TOM1L1: variants seen among roughly 807,000 people sequenced by gnomAD.
TOM1L1 encodes target of myb1 like 1 membrane trafficking protein.
A neutral mutation model predicts 63.4 loss-of-function variants in TOM1L1; 64 were observed. The ratio of observed to expected loss-of-function variants is 1.01; its 90% CI spans 0.83 to 1.24. The LOEUF is 1.24. Among genes scored for constraint, TOM1L1 ranks in the 50% most tolerant of loss-of-function variants. TOM1L1 has a pLI of 0.00. For synonymous variants in TOM1L1, 166 were observed against 194.4 expected (o/e 0.85, Z 1.22); for missense variants, 536 against 567.0 (o/e 0.95, Z 0.55).
At chr17:54,960,728 G>T in intron 15 of TOM1L1, 101 bp downstream of exon 15, 1 of 848,034 alleles carries the variant, frequency 1.2e-6, no homozygotes, top group South Asian at 1.5e-5. Flanking sequence ...AGGGCCATCT[G>T]AGTCTGACAC....
chr17:54,927,467 A>G (rs60923992), intron 7 of TOM1L1, among the ~76,000 whole-genome samples: 2,950 of 152,332 alleles, frequency 0.019, 62 homozygotes, highest in East Asian at 0.13. Flanking sequence ...ATGGAGGAGT[A>G]AGAGCCATCT....
At chr17:54,939,075 A>C (rs2048997110) in intron 11 of TOM1L1, 55 bp downstream of exon 11, 1 of 1,250,970 alleles carries the variant, frequency 8.0e-7, no homozygotes. Context: ...GATTCCTTAC[A>C]ATTAAGAAAA....
intron 11 of TOM1L1, among the ~76,000 whole-genome samples, 190 bp downstream of exon 11, chr17:54,939,210 G>C (rs1304437716): frequency 6.6e-6 from 1 of 152,124 alleles, no homozygotes; most frequent in Non-Finnish European, 1.5e-5. Context: ...CTCATCTCTA[G>C]TAAAAATACA....
intron 7 of TOM1L1, among the ~76,000 whole-genome samples, chr17:54,921,947 A>G (rs1366963240): frequency 6.6e-6 from 1 of 152,150 alleles, no homozygotes; most frequent in Non-Finnish European, 1.5e-5. Flanking sequence ...TGTATGTTAT[A>G]TATGTTATGT....
At chr17:54,927,618 G>A (rs899701073) in intron 7 of TOM1L1, among the ~76,000 whole-genome samples, 9 of 152,286 alleles carry the variant, frequency 5.9e-5, no homozygotes, top group African/African-American at 1.4e-4. Flanking sequence ...CGGGGTCTCC[G>A]TGATGGACAT....
intron 3 of TOM1L1, among the ~76,000 whole-genome samples, chr17:54,911,315 G>A (rs1004006710): frequency 5.3e-5 from 8 of 152,022 alleles, no homozygotes; most frequent in Admixed American, 3.3e-4. Flanking sequence ...TCGTTGGCCC[G>A]TATAGTAGGT....
chr17:54,937,375 C>A, intron 10 of TOM1L1, 149 bp downstream of exon 10: 1 of 670,138 alleles, frequency 1.5e-6, no homozygotes, highest in Non-Finnish European at 2.6e-6. Context: ...TACTTCCCGG[C>A]AAATGGTTGA....
At chr17:54,945,670 TAA>T (rs1402298313) in intron 11 of TOM1L1, among the ~76,000 whole-genome samples, 3 of 138,630 alleles carry the variant, frequency 2.2e-5, no homozygotes, top group African/African-American at 5.5e-5. Flanking sequence ...CTCATTCTGT[TAA>T]GTTTTTTTTT....
chr17:54,925,177 A>G (rs1567828548), intron 7 of TOM1L1, among the ~76,000 whole-genome samples: 1 of 152,222 alleles, frequency 6.6e-6, no homozygotes, highest in Non-Finnish European at 1.5e-5. Flanking sequence ...GGGAAACTAC[A>G]AGGGCTTGAT....
chr17:54,950,110 C>G lies in TOM1L1; in HGVS notation c.1354C>G (p.Pro452Ala). 1 of 1,612,860 alleles carries G rather than the reference C, an allele frequency of 6.2e-7. No homozygotes were observed. The highest frequency in any genetic ancestry group is 8.5e-7 in the Non-Finnish European group (1 of 1,178,980). The change falls in exon 14 of 16, where the codon CCT (proline) becomes GCT (alanine). Residue 452 changes from proline (P) to alanine (A), a missense_variant. Physicochemically the swap from Pro to Ala is conservative, Grantham distance 27. Transcript: ENST00000575882. Reference protein sequence around the residue: ...YEVMEFDPLAPAVTTEAIYEE... With the variant: ...YEVMEFDPLAAAVTTEAIYEE... ...GGTAATGGAGTTTGATCCCTTAGCT[C>G]CTGCTGTCACTACAGAGTAAGTCAT...
chr17:54,915,883 C>T, intron 7 of TOM1L1, 21 bp downstream of exon 7: 1 of 1,570,630 alleles, frequency 6.4e-7, no homozygotes, highest in Non-Finnish European at 8.8e-7. Flanking sequence ...ATTTCAGGGA[C>T]TATCAGTCAA....
intron 8 of TOM1L1, 101 bp from the exon 9 acceptor site, chr17:54,936,544 CTGAT>C: frequency 1.0e-6 from 1 of 954,626 alleles, no homozygotes; most frequent in Admixed American, 2.9e-5. Flanking sequence ...GAGGATGAGG[CTGAT>C]TGTCTTCATT....
intron 7 of TOM1L1, among the ~76,000 whole-genome samples, chr17:54,921,464 G>C (rs188020310): frequency 1.4e-4 from 22 of 152,268 alleles, no homozygotes; most frequent in African/African-American, 5.3e-4. Context: ...TCAGGGCCCG[G>C]CGTGGTGGCT....
At chr17:54,949,096 A>G (rs1239582872) in intron 12 of TOM1L1, among the ~76,000 whole-genome samples, 2 of 152,068 alleles carry the variant, frequency 1.3e-5, no homozygotes, top group Admixed American at 1.3e-4. Flanking sequence ...ATATAGCATG[A>G]TCATATGATC....
At position 54,949,603 on chromosome 17, in the gene TOM1L1, C is replaced by G. The variant is rs1416050380; in HGVS notation, c.1268C>G (p.Pro423Arg). ...GCACCATCAAACCAGAGTCTGCCAC[C>G]TTTGCCCAGCAATCATCCAGGTACA... ...AAAPSNQSLP[P>R]LPSNHPAMTK... Residue 423 changes from proline (P) to arginine (R), a missense_variant, in exon 13 of 16, where the codon CCT becomes CGT. By Grantham distance (103) the Pro-to-Arg change is moderately radical. Coordinates refer to ENST00000575882, the MANE Select transcript of TOM1L1 (RefSeq NM_005486.3). 1 of 1,613,780 alleles carries G rather than the reference C, an allele frequency of 6.2e-7. No homozygotes were observed. Among genetic ancestry groups the G allele is most frequent in the East Asian group, 2.2e-5 (1 of 44,864 alleles).
chr17:54,957,311 T>C (rs1186273968), intron 14 of TOM1L1: 1 of 152,236 alleles, frequency 6.6e-6, no homozygotes, highest in East Asian at 1.9e-4. Context: ...TAACTCAGGT[T>C]TGAGAAATTT....
intron 14 of TOM1L1, 110 bp from the exon 15 acceptor site, chr17:54,960,456 C>G (rs1328514206): frequency 1.0e-5 from 8 of 768,428 alleles, no homozygotes; most frequent in Non-Finnish European, 1.9e-5. Flanking sequence ...TCATATGTAG[C>G]CTGAACTCCA....
At chr17:54,921,349 C>A (rs2048680543) in intron 7 of TOM1L1, among the ~76,000 whole-genome samples, 1 of 152,070 alleles carries the variant, frequency 6.6e-6, no homozygotes. Flanking sequence ...AATACAAATT[C>A]TATATAGCAT....
intron 5 of TOM1L1, among the ~76,000 whole-genome samples, chr17:54,914,186 C>CA (rs2143777974): frequency 6.6e-6 from 1 of 152,238 alleles, no homozygotes; most frequent in East Asian, 1.9e-4. Context: ...CTTGAGCTTT[C>CA]ACCTCTCCAC....
Sources: allele counts gnomAD v4.1 joint callset (sites outside exome capture counted in the v4.1 genomes callset), GRCh38; gene constraint gnomAD v4.1.1; transcripts MANE v1.5; gene names NCBI Gene and HGNC (gene_info 2026-07-23, HGNC 2026-07-21).